The following NFX1 variants were observed in gnomAD, a reference collection of about 807,000 sequenced individuals.
NFX1 encodes the protein nuclear transcription factor, X-box binding 1, also known as transcriptional repressor NF-X1.
Under a neutral mutation model 137.2 loss-of-function variants are expected in NFX1, and 69 were observed. That is an observed-to-expected ratio of 0.50 (90% CI 0.41 to 0.61). The LOEUF (loss-of-function observed/expected upper bound fraction) is 0.61. NFX1 is among the 20% of genes least tolerant of loss of function. The pLI is 0.00. For synonymous variants in NFX1, 495 were observed against 474.1 expected (o/e 1.04, Z -0.57); for missense variants, 1,167 against 1,391.0 (o/e 0.84, Z 2.56).
chr9:33,292,858 G>A (rs1407970503), intron 1 of NFX1, among the ~76,000 whole-genome samples: 2 of 152,148 alleles, frequency 1.3e-5, no homozygotes, highest in Non-Finnish European at 2.9e-5. Context: ...TCAAGCAAGC[G>A]AGAACTACAC....
At chr9:33,355,008 T>C in intron 19 of NFX1, 116 bp downstream of exon 19, 3 of 948,686 alleles carry the variant, frequency 3.2e-6, no homozygotes, top group Non-Finnish European at 4.8e-6. Flanking sequence ...CTTTTACCGT[T>C]ATCAAAGAGC....
rs4879683 is a variant in NFX1 at position 33,315,974 on chromosome 9, G to A, written c.1588+2181G>A. ...CGAAAACCAGTATTGTTCGAAACTC[G>A]GTGTTCTTTGAGTACATTCTTGAGA... On this transcript the variant is annotated intron_variant, in intron 7 of 23. Transcript: ENST00000379540. Among the ~76,000 whole-genome samples, 424 of 151,918 alleles carry A rather than the reference G, an allele frequency of 2.8e-3. 11 individuals are homozygous for A. In the East Asian group the frequency reaches 0.062, roughly 22 times the overall value.
chr9:33,303,165 T>G, intron 3 of NFX1, 26 bp from the exon 4 acceptor site: 1 of 1,600,154 alleles, frequency 6.2e-7, no homozygotes, highest in South Asian at 1.1e-5. Context: ...AAAATTTATT[T>G]GGCCTACTCC....
intron 18 of NFX1, among the ~76,000 whole-genome samples, 180 bp downstream of exon 18, chr9:33,354,367 G>A (rs538630660): frequency 3.9e-5 from 6 of 152,324 alleles, no homozygotes; most frequent in African/African-American, 1.4e-4. Context: ...TCAGGAGATG[G>A]CTAAGACTAA....
intron 2 of NFX1, 101 bp downstream of exon 2, chr9:33,295,528 T>C (rs1417256235): frequency 1.5e-6 from 2 of 1,301,588 alleles, no homozygotes; most frequent in African/African-American, 3.0e-5. Context: ...GTATGGAAAG[T>C]TACACTGTAA....
chr9:33,368,902 G>C (rs1284738594), intron 23 of NFX1, among the ~76,000 whole-genome samples: 1 of 152,030 alleles, frequency 6.6e-6, no homozygotes, highest in African/African-American at 2.4e-5. Context: ...CCACTCCTGG[G>C]AGCCAGGTGT....
intron 9 of NFX1, among the ~76,000 whole-genome samples, chr9:33,320,609 A>G (rs906385507): frequency 2.0e-5 from 3 of 152,204 alleles, no homozygotes; most frequent in Admixed American, 1.3e-4. Context: ...CATTGGAATT[A>G]GATACAAAGT....
intron 12 of NFX1, among the ~76,000 whole-genome samples, chr9:33,339,628 G>A (rs182971085): frequency 8.5e-5 from 13 of 152,262 alleles, no homozygotes; most frequent in Non-Finnish European, 1.6e-4. Flanking sequence ...CAGCATTAAC[G>A]CAAAAGTCTA....
At chr9:33,359,471 C>T (rs1182102150) in intron 19 of NFX1, among the ~76,000 whole-genome samples, 3 of 152,028 alleles carry the variant, frequency 2.0e-5, no homozygotes, top group Non-Finnish European at 4.4e-5. Context: ...TGGTGGCAGA[C>T]GCCTGTAGTC....
At chr9:33,355,039 G>T in intron 19 of NFX1, 147 bp downstream of exon 19, 1 of 731,552 alleles carries the variant, frequency 1.4e-6, no homozygotes, top group East Asian at 2.7e-5. Context: ...CCGTTACCAA[G>T]AATTGAATTG....
intron 15 of NFX1, among the ~76,000 whole-genome samples, chr9:33,349,508 T>C (rs1385099653): frequency 2.0e-5 from 3 of 152,162 alleles, no homozygotes; most frequent in Non-Finnish European, 4.4e-5. Context: ...GGGAAATATG[T>C]ATGTCCTAGA....
chr9:33,364,255 A>G, intron 20 of NFX1, 147 bp downstream of exon 20: 1 of 552,094 alleles, frequency 1.8e-6, no homozygotes, highest in South Asian at 2.9e-5. Flanking sequence ...GTGCTGTTTA[A>G]TAAATATCCT....
intron 5 of NFX1, among the ~76,000 whole-genome samples, chr9:33,307,997 G>A (rs925723722): frequency 6.6e-6 from 1 of 151,710 alleles, no homozygotes; most frequent in Non-Finnish European, 1.5e-5. Context: ...TAGAAATGGG[G>A]TTTTGCCGTG....
At position 33,313,368 on chromosome 9, in the gene NFX1, C is replaced by T. The variant is rs190504316; in HGVS notation, c.1449-286C>T. Among the ~76,000 whole-genome samples the T allele has an allele frequency of 1.3e-4, 20 of 151,626 alleles. No homozygotes were observed. In the East Asian group the frequency reaches 3.7e-3, roughly 28 times the overall value. ...CTTTGGGAGCCTGAGGCAGGAGGAT[C>T]GCTTAAGCCTAGGAGTTTAAGATTA... On this transcript the variant is annotated intron_variant, in intron 6 of 23. Coordinates refer to ENST00000379540, the MANE Select transcript of NFX1 (RefSeq NM_002504.6).
chr9:33,367,520 A>T lies in NFX1; in HGVS notation c.3191A>T (p.Lys1064Met), dbSNP rs768549065. ...RNVVVTAIRGKSVCPPTTLTG... is the reference protein window; with the variant it reads ...RNVVVTAIRGMSVCPPTTLTG... ...GGTGTTTTGACTTTTATCAGGGGGA[A>T]GTCCGTTTGTCCTCCTACCACGCTG... Residue 1064 changes from lysine (K) to methionine (M), a missense_variant, in exon 23 of 24, where the codon AAG becomes ATG. Physicochemically the swap from Lys to Met is moderately conservative, Grantham distance 95. Around this residue, in one of 3 missense-constraint regions of NFX1, gnomAD observed 312 missense variants for 312.8 expected, o/e 1.00. Coordinates refer to ENST00000379540, the MANE Select transcript of NFX1 (RefSeq NM_002504.6). 6.2e-7 allele frequency: 1 copy of T among 1,613,812 alleles called. No homozygotes were observed. Among genetic ancestry groups the T allele is most frequent in the Non-Finnish European group, 8.5e-7 (1 of 1,179,768 alleles).
chr9:33,352,803 T>A, intron 17 of NFX1, 84 bp downstream of exon 17: 2 of 1,126,968 alleles, frequency 1.8e-6, no homozygotes, highest in Non-Finnish European at 2.6e-6. Flanking sequence ...GCTAGTCAAG[T>A]GAAGCAGTGG....
intron 2 of NFX1, among the ~76,000 whole-genome samples, chr9:33,296,763 A>G (rs1023372448): frequency 6.6e-6 from 1 of 152,086 alleles, no homozygotes; most frequent in Admixed American, 6.6e-5. Flanking sequence ...TGTCCAGGGA[A>G]CCTTTTCTCA....
At chr9:33,349,494 C>T (rs1019895731) in intron 15 of NFX1, among the ~76,000 whole-genome samples, 3 of 151,996 alleles carry the variant, frequency 2.0e-5, no homozygotes, top group Non-Finnish European at 4.4e-5. Context: ...GATTCCAGTG[C>T]GATGGGAAAT....
chr9:33,341,749 G>A (rs1001180036), intron 12 of NFX1, among the ~76,000 whole-genome samples: 1 of 152,122 alleles, frequency 6.6e-6, no homozygotes, highest in Non-Finnish European at 1.5e-5. Flanking sequence ...TGGCAACATG[G>A]TAAAACCCCA....
Sources: allele counts gnomAD v4.1 joint callset (sites outside exome capture counted in the v4.1 genomes callset), GRCh38; gene constraint gnomAD v4.1.1; regional missense constraint gnomAD v4.1.1; transcripts MANE v1.5; gene names NCBI Gene and HGNC (gene_info 2026-07-23, HGNC 2026-07-21).